Variants in ANKRD46 observed in about 807,000 individuals in gnomAD.
ANKRD46 encodes the protein ankyrin repeat domain 46.
Under a neutral mutation model 19.8 loss-of-function variants are expected in ANKRD46, and 13 were observed. The ratio of observed to expected loss-of-function variants is 0.66; its 90% CI spans 0.43 to 1.04. ANKRD46 has a LOEUF of 1.04. Ranked by LOEUF, ANKRD46 falls within the 50% of genes least tolerant of loss-of-function variation. The pLI is 0.00. For synonymous variants in ANKRD46, 91 were observed against 106.9 expected (o/e 0.85, Z 0.92); for missense variants, 185 against 274.8 (o/e 0.67, Z 2.31).
At position 100,527,452 on chromosome 8, in the gene ANKRD46, AATC is replaced by A. The variant is rs1289109590; in HGVS notation, c.470+390_470+392del. Reference sequence around the variant, plus strand: ...CATTCTTTTTGTGACCTGTACTTAAAATCATCAAGCTCCGGCTTCCTCCCCTCA... The same window carrying A: ...CATTCTTTTTGTGACCTGTACTTAAAATCAAGCTCCGGCTTCCTCCCCTCA... On this transcript the variant is annotated intron_variant, in intron 4 of 4. Coordinates refer to ENST00000335659, the MANE Select transcript of ANKRD46 (RefSeq NM_001270377.2). The surrounding 1 kb of genome is among the most constrained non-coding windows in gnomAD (Gnocchi z 4.0). Among the ~76,000 whole-genome samples the A allele has an allele frequency of 3.9e-5, 6 of 152,142 alleles. No homozygotes were observed. Among genetic ancestry groups the A allele is most frequent in the Non-Finnish European group, 7.4e-5 (5 of 68,022 alleles).
At chr8:100,549,395 C>T (rs1055918) in intron 1 of ANKRD46, among the ~76,000 whole-genome samples, 83,369 of 151,872 alleles carry the variant, frequency 0.55, 23,551 homozygotes, top group African/African-American at 0.69. Context: ...TAATATAAAT[C>T]AGGGAAAAAA....
chr8:100,556,591 AC>A (rs2130714643), intron 1 of ANKRD46: 1 of 152,296 alleles, frequency 6.6e-6, no homozygotes, highest in Non-Finnish European at 1.5e-5. Context: ...AGCTGTCCAT[AC>A]TGCAGTCTCC....
At chr8:100,548,971 A>G (rs553881524) in intron 1 of ANKRD46, among the ~76,000 whole-genome samples, 1 of 152,214 alleles carries the variant, frequency 6.6e-6, no homozygotes. Context: ...TATGATATAC[A>G]CCTATTATGT....
chr8:100,521,524 AC>A lies in ANKRD46; in HGVS notation c.*1030del. On this transcript the variant is annotated 3_prime_UTR_variant, in exon 5 of 5. Coordinates refer to ENST00000335659, the MANE Select transcript of ANKRD46 (RefSeq NM_001270377.2). The stretch of plus-strand genomic sequence containing the variant: ...TCATAAAGAGTTTATGACACCCAGT[AC>A]GATACTGTCCAGCACTGTTAACTCA... The A allele has an allele frequency of 2.0e-6, 2 of 985,444 alleles. No homozygotes were observed. The highest frequency in any genetic ancestry group is 2.4e-6 in the Non-Finnish European group (2 of 829,924). The allele number at this position is 985,444 out of a possible 1,614,324, so 61.0% of individuals were successfully genotyped here. A position where few individuals can be genotyped will look rare whatever the true frequency, so the allele number is the denominator to read the frequency against.
chr8:100,551,695 T>A, intron 1 of ANKRD46: 1 of 625,250 alleles, frequency 1.6e-6, no homozygotes, highest in South Asian at 1.4e-5. Context: ...CTATTTACTC[T>A]GGCCTTCACC....
At chr8:100,541,306 T>C (rs774381551) in intron 1 of ANKRD46, among the ~76,000 whole-genome samples, 11 of 152,098 alleles carry the variant, frequency 7.2e-5, no homozygotes, top group African/African-American at 2.7e-4. Context: ...AATATAAGAA[T>C]TGTGAGTTTT....
intron 3 of ANKRD46, among the ~76,000 whole-genome samples, 176 bp from the exon 4 acceptor site, chr8:100,528,179 T>G (rs1811881770): frequency 1.3e-5 from 2 of 152,160 alleles, no homozygotes; most frequent in African/African-American, 4.8e-5. Context: ...TTTGGCTCAC[T>G]ACAACTCTTC....
intron 3 of ANKRD46, among the ~76,000 whole-genome samples, chr8:100,528,774 A>G (rs1314250454): frequency 6.6e-6 from 1 of 152,196 alleles, no homozygotes; most frequent in Non-Finnish European, 1.5e-5. Context: ...TCCTGCAGAA[A>G]CAAAAGCATT....
rs769157409 is a variant in ANKRD46 at position 100,529,800 on chromosome 8, T to C, written c.34A>G (p.Thr12Ala). 3.7e-6 allele frequency: 6 copies of C among 1,614,094 alleles called. No individual in the cohort carries two copies. The highest frequency in any genetic ancestry group is 5.1e-6 in the Non-Finnish European group (6 of 1,180,030). The change falls in exon 3 of 5, where the codon ACT becomes GCT. Residue 12 changes from threonine to alanine, a missense_variant. Thr to Ala is a moderately conservative substitution (Grantham distance 58, BLOSUM62 0). Transcript: ENST00000335659. This position sits in a 1 kb window ranked among gnomAD's most constrained non-coding sequence, Gnocchi z 5.8. ...SYVFVNDSSQTNVPLLQACID... is the reference protein window; with the variant it reads ...SYVFVNDSSQANVPLLQACID... ...CAGGCTTGCAGCAAGGGCACGTTAG[T>C]CTGAGAAGAATCATTTACAAAAACA...
downstream of ANKRD46, among the ~76,000 whole-genome samples, chr8:100,518,904 T>C (rs1811678403): frequency 6.6e-6 from 1 of 152,164 alleles, no homozygotes; most frequent in South Asian, 2.1e-4. Context: ...AATAATACCT[T>C]GTTTTAAAAT....
chr8:100,548,117 A>AC (rs566221472), intron 1 of ANKRD46, among the ~76,000 whole-genome samples: 132 of 152,070 alleles, frequency 8.7e-4, no homozygotes, highest in African/African-American at 3.0e-3. Flanking sequence ...ACAGAAAAAA[A>AC]AAAAATCTTC....
rs1811710404 is a variant in ANKRD46 at position 100,520,840 on chromosome 8, G to C, written c.*1715C>G. The C allele has an allele frequency of 1.0e-6, 1 of 982,096 alleles. No individual in the cohort carries two copies. Among genetic ancestry groups the C allele is most frequent in the South Asian group, 4.7e-5 (1 of 21,200 alleles). The allele number at this position is 982,096 out of a possible 1,614,324, so 60.8% of individuals were successfully genotyped here. ...ATGAATGCAGAGAACAGAATACAAA[G>C]AAATCAGCACATAAAAGGAACCATT... On this transcript the variant is annotated 3_prime_UTR_variant, in exon 5 of 5. Transcript: ENST00000335659.
chr8:100,558,291 G>C (rs910490646), intron 1 of ANKRD46, among the ~76,000 whole-genome samples: 2 of 152,094 alleles, frequency 1.3e-5, no homozygotes, highest in Non-Finnish European at 2.9e-5. Flanking sequence ...CCTCTCTCCA[G>C]TGCCTTTCCT....
At chr8:100,556,476 T>C (rs1231810001) in intron 1 of ANKRD46, 19 of 152,196 alleles carry the variant, frequency 1.2e-4, no homozygotes, top group Admixed American at 1.2e-3. Flanking sequence ...GTGTAGTAGG[T>C]ATTAATCAGT....
Position 100,532,112 on chromosome 8 carries a change from A to AGCCAACTTTT in ANKRD46, c.-28+1096_-28+1097insAAAAGTTGGC, listed in dbSNP as rs1399116329. Among the ~76,000 whole-genome samples the AGCCAACTTTT allele has an allele frequency of 6.6e-6, 1 of 152,210 alleles. No homozygotes were observed. The highest frequency in any genetic ancestry group is 1.5e-5 in the Non-Finnish European group (1 of 68,036). On this transcript the variant is annotated intron_variant, in intron 2 of 4. Coordinates refer to ENST00000335659, the MANE Select transcript of ANKRD46 (RefSeq NM_001270377.2). This position sits in a 1 kb window ranked among gnomAD's most constrained non-coding sequence, Gnocchi z 4.7. Reference sequence around the variant, plus strand: ...TTTCAAATACGAAAAAAAGTTTATGATTAAAAACTACAGAGATTAAAATCA... The same window carrying AGCCAACTTTT: ...TTTCAAATACGAAAAAAAGTTTATGAGCCAACTTTTTTAAAAACTACAGAGATTAAAATCA...
intron 1 of ANKRD46, among the ~76,000 whole-genome samples, chr8:100,548,963 T>C (rs1321378797): frequency 1.3e-5 from 2 of 152,002 alleles, no homozygotes; most frequent in Non-Finnish European, 2.9e-5. Context: ...AAATGCAATA[T>C]GATATACACC....
intron 1 of ANKRD46, among the ~76,000 whole-genome samples, chr8:100,553,331 C>T (rs185704396): frequency 1.4e-3 from 206 of 152,316 alleles, no homozygotes; most frequent in Non-Finnish European, 2.0e-3. Flanking sequence ...TTTAAATTAA[C>T]GTAGCAGCAA....
intron 1 of ANKRD46, among the ~76,000 whole-genome samples, chr8:100,548,062 C>G (rs548002326): frequency 2.1e-4 from 32 of 151,922 alleles, no homozygotes; most frequent in Admixed American, 3.9e-4. Flanking sequence ...TCTACCTTAG[C>G]TAATCTCCAT....
At position 100,545,703 on chromosome 8, in the gene ANKRD46, G is replaced by C. The variant is rs550856785; in HGVS notation, c.-130-12392C>G. On this transcript the variant is annotated intron_variant, in intron 1 of 4. Coordinates refer to ENST00000335659, the MANE Select transcript of ANKRD46 (RefSeq NM_001270377.2). This position sits in a 1 kb window ranked among gnomAD's most constrained non-coding sequence, Gnocchi z 4.7. ...AACAGGCAAAGGTTGGAACAGTTTGGGGGGCTCAGAAGATATGGGAAAGTC... is the reference window on the plus strand; with the variant it reads ...AACAGGCAAAGGTTGGAACAGTTTGCGGGGCTCAGAAGATATGGGAAAGTC... 1.3e-5 allele frequency among the ~76,000 whole-genome samples: 2 copies of C among 152,290 alleles called. No individual in the cohort carries two copies. Among genetic ancestry groups the C allele is most frequent in the East Asian group, 1.9e-4 (1 of 5,178 alleles).
Sources: allele counts gnomAD v4.1 joint callset (sites outside exome capture counted in the v4.1 genomes callset), GRCh38; gene constraint gnomAD v4.1.1; non-coding constraint Gnocchi (gnomAD v3.1); transcripts MANE v1.5; gene names NCBI Gene and HGNC (gene_info 2026-07-23, HGNC 2026-07-21).